The following MAML3 variants were observed in gnomAD, a reference collection of about 807,000 sequenced individuals.
The protein encoded by MAML3 is mastermind like transcriptional coactivator 3.
MAML3 carries 27 observed loss-of-function variants against 101.9 expected under a neutral mutation model. The observed-to-expected ratio is 0.27, with a 90% CI of 0.20 to 0.37. The LOEUF is 0.37. Ranked by LOEUF, MAML3 falls within the 10% of genes least tolerant of loss-of-function variation. The probability of loss-of-function intolerance (pLI) is 1.00; values close to 1 mark genes in which losing one functional copy is unlikely to be tolerated. For missense variants in MAML3, 1,316 were observed against 1,444.9 expected (o/e 0.91, Z 1.45); for synonymous variants, 501 against 555.9 (o/e 0.90, Z 1.39).
intron 1 of MAML3, among the ~76,000 whole-genome samples, chr4:140,132,018 G>A (rs1399687739): frequency 1.3e-5 from 2 of 152,234 alleles, no homozygotes; most frequent in African/African-American, 2.4e-5. Flanking sequence ...GAGTGTGTAT[G>A]TGCGGCAATT....
chr4:139,846,797 G>C (rs1381917639), intron 2 of MAML3, among the ~76,000 whole-genome samples: 1 of 152,158 alleles, frequency 6.6e-6, no homozygotes, highest in Non-Finnish European at 1.5e-5. Context: ...CTATTGCATG[G>C]CTTTATTAGG....
At chr4:140,015,264 G>GA (rs1452832619) in intron 1 of MAML3, among the ~76,000 whole-genome samples, 4 of 151,934 alleles carry the variant, frequency 2.6e-5, no homozygotes, top group East Asian at 3.9e-4. Flanking sequence ...AGTACGCAAA[G>GA]AAAAAAGAGA....
intron 1 of MAML3, among the ~76,000 whole-genome samples, chr4:139,990,091 A>G (rs1477582491): frequency 6.6e-6 from 1 of 152,130 alleles, no homozygotes; most frequent in African/African-American, 2.4e-5. Flanking sequence ...CACTTTTCAC[A>G]TTTTTCAGAG....
intron 2 of MAML3, among the ~76,000 whole-genome samples, chr4:139,833,122 C>T (rs997259902): frequency 6.6e-6 from 1 of 152,216 alleles, no homozygotes; most frequent in African/African-American, 2.4e-5. Flanking sequence ...CGTCACGTCA[C>T]CAGCAGCTTC....
At chr4:140,002,610 A>G (rs1373022008) in intron 1 of MAML3, among the ~76,000 whole-genome samples, 1 of 152,222 alleles carries the variant, frequency 6.6e-6, no homozygotes, top group African/African-American at 2.4e-5. Flanking sequence ...TAATCGGAAG[A>G]TCTAGGACTT....
At chr4:139,791,972 T>C (rs553256412) in intron 2 of MAML3, among the ~76,000 whole-genome samples, 24 of 152,368 alleles carry the variant, frequency 1.6e-4, no homozygotes, top group South Asian at 1.0e-3. Context: ...CTGGATATAC[T>C]GGGATCTCTG....
At chr4:139,988,242 A>G (rs1408866822) in intron 1 of MAML3, among the ~76,000 whole-genome samples, 1 of 144,950 alleles carries the variant, frequency 6.9e-6, no homozygotes, top group Non-Finnish European at 1.5e-5. Flanking sequence ...CAGAAGAAAC[A>G]CTGAATCCTG....
intron 1 of MAML3, among the ~76,000 whole-genome samples, chr4:139,923,422 T>G (rs1278460410): frequency 1.3e-5 from 2 of 152,172 alleles, no homozygotes; most frequent in Admixed American, 1.3e-4. Flanking sequence ...ACATACACAA[T>G]ATGTTTGGTT....
chr4:139,818,252 T>G (rs544396154), intron 2 of MAML3, among the ~76,000 whole-genome samples: 2 of 152,324 alleles, frequency 1.3e-5, no homozygotes, highest in East Asian at 3.9e-4. Flanking sequence ...TTAGACATGC[T>G]CATGGCTGTC....
chr4:139,717,988 T>C lies in MAML3; in HGVS notation c.*1335A>G, dbSNP rs1434783661. On this transcript the variant is annotated 3_prime_UTR_variant, in exon 5 of 5. Transcript: ENST00000509479. ...AACTACATCTCCTTTCTATCCAAAT[T>C]TGTAAGGTGGAGCAATTGCTTTTTT... 1 of 152,212 alleles carries C rather than the reference T, an allele frequency of 6.6e-6. No individual in the cohort carries two copies. The highest frequency in any genetic ancestry group is 2.4e-5 in the African/African-American group (1 of 41,442). The allele number at this position is 152,212 out of a possible 1,614,324, so 9.4% of individuals were successfully genotyped here. A position where few individuals can be genotyped will look rare whatever the true frequency, so the allele number is the denominator to read the frequency against.
intron 1 of MAML3, among the ~76,000 whole-genome samples, chr4:139,926,576 G>A (rs1174057887): frequency 6.6e-6 from 1 of 152,128 alleles, no homozygotes; most frequent in African/African-American, 2.4e-5. Flanking sequence ...CTCCAGCCTG[G>A]GAGATAAAGC....
At chr4:140,151,903 T>G (rs1001994755) in intron 1 of MAML3, among the ~76,000 whole-genome samples, 25 of 152,190 alleles carry the variant, frequency 1.6e-4, no homozygotes, top group Admixed American at 6.5e-5. Flanking sequence ...TTTACCTCCC[T>G]GCTACCTTCC....
intron 1 of MAML3, among the ~76,000 whole-genome samples, chr4:139,893,877 G>T (rs1732553120): frequency 6.6e-6 from 1 of 152,176 alleles, no homozygotes; most frequent in Non-Finnish European, 1.5e-5. Flanking sequence ...CTACTGGGGA[G>T]ATGCTTGCTG....
At chr4:139,791,091 CT>C (rs1052598956) in intron 2 of MAML3, among the ~76,000 whole-genome samples, 2 of 152,152 alleles carry the variant, frequency 1.3e-5, no homozygotes, top group African/African-American at 4.8e-5. Context: ...GTTTAAATAT[CT>C]TTTAAACTCT....
intron 1 of MAML3, among the ~76,000 whole-genome samples, chr4:140,036,258 G>A (rs950302480): frequency 3.3e-5 from 5 of 152,196 alleles, no homozygotes; most frequent in South Asian, 2.1e-4. Flanking sequence ...GGCCCCTGTC[G>A]TTGCCTGCCT....
intron 1 of MAML3, among the ~76,000 whole-genome samples, chr4:139,939,427 C>T (rs1733559908): frequency 6.6e-6 from 1 of 152,034 alleles, no homozygotes; most frequent in Non-Finnish European, 1.5e-5. Flanking sequence ...CCTTGGATTC[C>T]CACCATGTCT....
chr4:140,120,871 T>C (rs1436765390), intron 1 of MAML3, among the ~76,000 whole-genome samples: 1 of 152,216 alleles, frequency 6.6e-6, no homozygotes, highest in Non-Finnish European at 1.5e-5. Flanking sequence ...GGTTACATTG[T>C]GGCAATCTTT....
chr4:140,091,654 G>T (rs1728054705), intron 1 of MAML3, among the ~76,000 whole-genome samples: 1 of 151,914 alleles, frequency 6.6e-6, no homozygotes, highest in Admixed American at 6.6e-5. Context: ...TTCAGACCCT[G>T]AGAAATTAGT....
intron 2 of MAML3, among the ~76,000 whole-genome samples, chr4:139,737,314 ATTTTT>A (rs200018580): frequency 2.7e-5 from 4 of 147,980 alleles, no homozygotes; most frequent in African/African-American, 9.9e-5. Context: ...CATTTTGTTG[ATTTTT>A]TTTTTTTAAG....
Sources: allele counts gnomAD v4.1 joint callset (sites outside exome capture counted in the v4.1 genomes callset), GRCh38; gene constraint gnomAD v4.1.1; transcripts MANE v1.5; gene names NCBI Gene and HGNC (gene_info 2026-07-23, HGNC 2026-07-21).